ATG7: variants seen among roughly 807,000 people sequenced by gnomAD.
ATG7 encodes ubiquitin-like modifier-activating enzyme ATG7.
In ATG7, 70 loss-of-function variants were observed where a neutral mutation model predicts 82.4. The ratio of observed to expected loss-of-function variants is 0.85; its 90% CI spans 0.70 to 1.04. The LOEUF (loss-of-function observed/expected upper bound fraction) is 1.04. ATG7 is among the 50% of genes least tolerant of loss of function. The probability of loss-of-function intolerance (pLI) is 0.00; values close to 1 mark genes in which losing one functional copy is unlikely to be tolerated. For missense variants in ATG7, 792 were observed against 864.3 expected (o/e 0.92, Z 1.05); for synonymous variants, 287 against 313.0 (o/e 0.92, Z 0.88).
chr3:11,418,856 G>A (rs927660922), intron 19 of ATG7, among the ~76,000 whole-genome samples: 2 of 152,140 alleles, frequency 1.3e-5, no homozygotes, highest in African/African-American at 2.4e-5. Context: ...GGGAAGCAAG[G>A]CACTTCTTAC....
intron 20 of ATG7, among the ~76,000 whole-genome samples, chr3:11,478,396 T>G (rs963499108): frequency 6.6e-6 from 1 of 152,198 alleles, no homozygotes; most frequent in East Asian, 1.9e-4. Context: ...CACCCATTAA[T>G]GGTGTGGTCT....
At chr3:11,356,413 A>T (rs1369965248) in intron 14 of ATG7, among the ~76,000 whole-genome samples, 1 of 152,232 alleles carries the variant, frequency 6.6e-6, no homozygotes, top group Admixed American at 6.5e-5. Context: ...AAGCCTGGCC[A>T]TTAAACTCTC....
At chr3:11,386,494 T>C (rs564304383) in intron 19 of ATG7, among the ~76,000 whole-genome samples, 9 of 152,184 alleles carry the variant, frequency 5.9e-5, no homozygotes, top group African/African-American at 1.9e-4. Flanking sequence ...TCAGATTTGA[T>C]AGGGTTTTAA....
intron 20 of ATG7, among the ~76,000 whole-genome samples, chr3:11,454,238 G>GT: frequency 6.6e-6 from 1 of 152,278 alleles, no homozygotes; most frequent in Non-Finnish European, 1.5e-5. Context: ...CTCATCCCAT[G>GT]TTTTTCTGGT....
intron 9 of ATG7, among the ~76,000 whole-genome samples, chr3:11,322,930 C>G (rs1175067194): frequency 6.6e-6 from 1 of 152,170 alleles, no homozygotes; most frequent in African/African-American, 2.4e-5. Flanking sequence ...AGGGCTCTGT[C>G]TCTACAAAAA....
chr3:11,367,868 A>T (rs1187982731), intron 18 of ATG7, among the ~76,000 whole-genome samples: 1 of 152,112 alleles, frequency 6.6e-6, no homozygotes, highest in Non-Finnish European at 1.5e-5. Context: ...TGATTAAAAA[A>T]AATCATTTTG....
At chr3:11,445,634 G>C (rs1383200621) in intron 20 of ATG7, among the ~76,000 whole-genome samples, 1 of 151,996 alleles carries the variant, frequency 6.6e-6, no homozygotes, top group African/African-American at 2.4e-5. Context: ...CCATGTCATG[G>C]GTTTACCTAT....
chr3:11,500,255 A>T (rs935343216), intron 20 of ATG7, among the ~76,000 whole-genome samples: 2 of 152,200 alleles, frequency 1.3e-5, no homozygotes, highest in African/African-American at 2.4e-5. Context: ...TTTGAATTCT[A>T]ACATGTAGAA....
the ATG7 span, chr3:11,565,037 G>A: frequency 6.8e-7 from 1 of 1,467,862 alleles, no homozygotes; most frequent in East Asian, 2.6e-5. The surrounding 1 kb of genome is among the most constrained non-coding windows in gnomAD (Gnocchi z 4.1). Context: ...AGAGGAATGG[G>A]CATTCAGGGG....
the ATG7 span, chr3:11,564,729 G>A: frequency 6.8e-7 from 1 of 1,473,004 alleles, no homozygotes; most frequent in Non-Finnish European, 9.0e-7. Flanking sequence ...CTCTGCTCGG[G>A]GCTCTCCATC....
intron 20 of ATG7, among the ~76,000 whole-genome samples, chr3:11,521,816 T>G (rs1194680198): frequency 1.3e-5 from 2 of 151,968 alleles, no homozygotes; most frequent in Non-Finnish European, 2.9e-5. Flanking sequence ...CTTCCCAAAG[T>G]GCTGGGATTA....
chr3:11,334,044 C>T (rs115018307), intron 11 of ATG7, among the ~76,000 whole-genome samples: 2,777 of 151,108 alleles, frequency 0.018, 83 homozygotes, highest in East Asian at 0.07. Context: ...CCACCGCTCC[C>T]GGCCAGCTTC....
intron 19 of ATG7, among the ~76,000 whole-genome samples, chr3:11,391,164 G>C (rs954171): frequency 6.6e-6 from 1 of 152,112 alleles, no homozygotes; most frequent in Non-Finnish European, 1.5e-5. Flanking sequence ...TCCATCTTTA[G>C]AAGTTGACAA....
chr3:11,430,817 T>C (rs886810600), intron 20 of ATG7, among the ~76,000 whole-genome samples: 5 of 152,182 alleles, frequency 3.3e-5, no homozygotes, highest in African/African-American at 1.2e-4. Flanking sequence ...CCTAGGGGAA[T>C]AGGATGTCAA....
chr3:11,380,005 C>T lies in ATG7; in HGVS notation c.1909C>T (p.Leu637Phe). 6.8e-6 allele frequency: 11 copies of T among 1,614,104 alleles called. No individual in the cohort carries two copies. The highest frequency in any genetic ancestry group is 9.3e-6 in the Non-Finnish European group (11 of 1,180,014). Residue 637 changes from leucine to phenylalanine, a missense_variant, in exon 19 of 21, where the codon CTT (leucine) becomes TTT (phenylalanine). Leu to Phe is a conservative substitution (Grantham distance 22, BLOSUM62 0). Coordinates refer to ENST00000693202, the MANE Select transcript of ATG7 (RefSeq NM_001349232.2). ...ATTTCTTTCACGGTTTGATAATGTC[C>T]TTCCCGTCAGCCTGGCATTTGACAA... Reference protein sequence around the residue: ...RGFLSRFDNVLPVSLAFDKCT... With the variant: ...RGFLSRFDNVFPVSLAFDKCT...
intron 9 of ATG7, among the ~76,000 whole-genome samples, chr3:11,329,246 G>A (rs1278145725): frequency 6.6e-6 from 1 of 152,184 alleles, no homozygotes; most frequent in Non-Finnish European, 1.5e-5. Flanking sequence ...GGATGGTGGG[G>A]TTATGGGTAT....
chr3:11,298,961 C>A, intron 4 of ATG7, 106 bp downstream of exon 4: 1 of 1,221,692 alleles, frequency 8.2e-7, no homozygotes, highest in South Asian at 1.5e-5. Flanking sequence ...CTTTTATAAT[C>A]AGTGCTCTTC....
intron 20 of ATG7, among the ~76,000 whole-genome samples, chr3:11,486,974 C>T (rs1373322729): frequency 6.6e-6 from 1 of 151,656 alleles, no homozygotes; most frequent in African/African-American, 2.4e-5. Context: ...AGGCAGAGGA[C>T]CCTGCGGCCT....
In ATG7 at chr3:11,486,840, T is replaced by TTTA. The variant is rs34461730; in HGVS notation, c.2079+59914_2079+59915insTTA. Among the ~76,000 whole-genome samples, 1,299 of 133,316 alleles carry TTTA rather than the reference T, an allele frequency of 9.7e-3. 36 individuals carry two copies. In the East Asian group the frequency reaches 0.12, roughly 12 times the overall value. 87.5% of individuals were successfully genotyped at this position (133,316 alleles called of 152,430 possible). On this transcript the variant is annotated intron_variant, in intron 20 of 20. Transcript: ENST00000693202. ...GTTCTGTTTTTTTTTTTTTTTTTTT[T>TTTA]AATTTATTTTTTTATTGATAATTCT...
Sources: gnomAD v4.1 joint callset for allele counts (sites outside exome capture counted in the v4.1 genomes callset) on GRCh38, gnomAD v4.1.1 for gene constraint, Gnocchi (gnomAD v3.1) non-coding constraint, MANE v1.5 for transcripts, NCBI Gene and HGNC (gene_info 2026-07-23, HGNC 2026-07-21) for gene names.